Variants in PHF21B observed in about 807,000 individuals in gnomAD.
PHF21B encodes PHD finger protein 21B.
PHF21B carries 22 observed loss-of-function variants against 62.2 expected under a neutral mutation model. The ratio of observed to expected loss-of-function variants is 0.35; its 90% CI spans 0.25 to 0.51. The LOEUF is 0.51. Among genes scored for constraint, PHF21B ranks in the 20% least tolerant of loss-of-function variants. PHF21B has a pLI of 0.97. For synonymous variants in PHF21B, 341 were observed against 314.7 expected (o/e 1.08, Z -0.88); for missense variants, 701 against 707.9 (o/e 0.99, Z 0.11).
intron 2 of PHF21B, among the ~76,000 whole-genome samples, chr22:44,995,388 C>A (rs1229709886): frequency 1.3e-5 from 2 of 152,170 alleles, no homozygotes; most frequent in Non-Finnish European, 2.9e-5. Context: ...TCCAACGAGG[C>A]AGTGGCTGGG....
At position 44,891,324 on chromosome 22, in the gene PHF21B, G is replaced by A; in HGVS notation, c.997C>T (p.Leu333=). The A allele has an allele frequency of 1.2e-6, 2 of 1,614,048 alleles. No individual in the cohort carries two copies. The highest frequency in any genetic ancestry group is 1.7e-6 in the Non-Finnish European group (2 of 1,180,022). ...RLASNYLNNP[L]FLTARANEDP... ...TGCTTACCTCTCGCTGTGAGGAACAGGGGGTTGTTGAGATAGTTGGAGGCC... is the reference window on the plus strand; with the variant it reads ...TGCTTACCTCTCGCTGTGAGGAACAAGGGGTTGTTGAGATAGTTGGAGGCC... Residue 333 remains leucine, a synonymous_variant, in exon 8 of 13, where the codon CTG becomes TTG. Transcript: ENST00000313237.
In PHF21B at chr22:44,888,004, C is replaced by T; in HGVS notation, c.1156G>A (p.Ala386Thr). Residue 386 changes from alanine to threonine, a missense_variant, in exon 10 of 13, where the codon GCG (alanine) becomes ACG (threonine). Transcript: ENST00000313237. ...LSCLEPPLKTAPKGVWVCPRC... is the reference protein window; with the variant it reads ...LSCLEPPLKTTPKGVWVCPRC... ...GGGCACACCCACACGCCCTTGGGCG[C>T]CGTCTTGAGGGGCGGCTCCAGGCAG... The T allele has an allele frequency of 1.9e-6, 3 of 1,571,330 alleles. No individual in the cohort carries two copies. The highest frequency in any genetic ancestry group is 2.6e-6 in the Non-Finnish European group (3 of 1,159,404).
chr22:44,977,752 A>ATT (rs112069200), intron 2 of PHF21B, among the ~76,000 whole-genome samples: 1,447 of 135,150 alleles, frequency 0.011, 20 homozygotes, highest in Middle Eastern at 0.019. Flanking sequence ...CTCATTTTTC[A>ATT]TTTTTTTTTT....
At chr22:44,891,406 T>G (rs755838926) in intron 7 of PHF21B, 46 bp from the exon 8 acceptor site, 1 of 1,600,360 alleles carries the variant, frequency 6.2e-7, no homozygotes, top group Non-Finnish European at 8.5e-7. Context: ...ATCTGGAGGC[T>G]CTCTTCGATG....
At chr22:44,969,385 G>A (rs2072593520) in intron 2 of PHF21B, among the ~76,000 whole-genome samples, 1 of 152,212 alleles carries the variant, frequency 6.6e-6, no homozygotes, top group Admixed American at 6.5e-5. Flanking sequence ...AATGGAGCCG[G>A]CCGGGCACGG....
intron 5 of PHF21B, among the ~76,000 whole-genome samples, chr22:44,896,896 T>TTTTTTTTTTTTTTA (rs2071070593): frequency 1.4e-5 from 2 of 147,188 alleles, no homozygotes; most frequent in Admixed American, 6.7e-5. Context: ...TTTTTTTTTT[T>TTTTTTTTTTTTTTA]GAGACAGGTT....
chr22:44,932,092 G>A (rs957641863), intron 2 of PHF21B, among the ~76,000 whole-genome samples: 3 of 152,218 alleles, frequency 2.0e-5, no homozygotes, highest in African/African-American at 4.8e-5. Flanking sequence ...CAGAGGACCC[G>A]GGGCAGAGGC....
intron 5 of PHF21B, among the ~76,000 whole-genome samples, chr22:44,908,710 C>A (rs1190892830): frequency 6.6e-6 from 1 of 152,190 alleles, no homozygotes; most frequent in Non-Finnish European, 1.5e-5. Context: ...TACTGCTGTC[C>A]GGTTTCTAGG....
intron 2 of PHF21B, among the ~76,000 whole-genome samples, chr22:44,934,388 C>A (rs1406063569): frequency 6.6e-6 from 1 of 152,220 alleles, no homozygotes; most frequent in Non-Finnish European, 1.5e-5. Context: ...GAATGAGACT[C>A]CTTACAGACG....
At chr22:44,979,455 T>C (rs1166525067) in intron 2 of PHF21B, among the ~76,000 whole-genome samples, 1 of 152,152 alleles carries the variant, frequency 6.6e-6, no homozygotes, top group African/African-American at 2.4e-5. Flanking sequence ...CTCCCAGCCA[T>C]AGGAAGGCAG....
In PHF21B at chr22:44,918,852, G is replaced by A. The variant is rs59167802; in HGVS notation, c.213+1546C>T. ...GGCCTTGATTGGCAGCCTCTCCCTGGAGCCTGCCTTGCTCTGAAGCCTCGC... is the reference window on the plus strand; with the variant it reads ...GGCCTTGATTGGCAGCCTCTCCCTGAAGCCTGCCTTGCTCTGAAGCCTCGC... On this transcript the variant is annotated intron_variant, in intron 3 of 12. Transcript: ENST00000313237. 4.4e-3 allele frequency among the ~76,000 whole-genome samples: 672 copies of A among 152,294 alleles called. 3 individuals are homozygous for A. Among genetic ancestry groups the A allele is most frequent in the African/African-American group, 0.016 (655 of 41,552 alleles).
At chr22:44,984,092 TC>T in intron 2 of PHF21B, among the ~76,000 whole-genome samples, 1 of 143,062 alleles carries the variant, frequency 7.0e-6, no homozygotes, top group Middle Eastern at 3.8e-3. Flanking sequence ...ATCACCATCA[TC>T]ATCACCATCA....
intron 2 of PHF21B, among the ~76,000 whole-genome samples, chr22:44,966,052 A>T (rs1246107025): frequency 6.6e-6 from 1 of 152,028 alleles, no homozygotes; most frequent in Non-Finnish European, 1.5e-5. Flanking sequence ...TTCTCCAGCC[A>T]TCCCTCCAGC....
chr22:44,906,556 G>T (rs754424351), intron 5 of PHF21B, among the ~76,000 whole-genome samples: 1 of 152,252 alleles, frequency 6.6e-6, no homozygotes, highest in South Asian at 2.1e-4. Context: ...GCTAGCTGAG[G>T]CCAGGACAAT....
chr22:44,914,005 GGGAGGGGTGAGGGGAA>G lies in PHF21B; in HGVS notation c.632_647del (p.Leu211ProfsTer68). On this transcript the variant is annotated frameshift_variant, in exon 5 of 13. Coordinates refer to ENST00000313237, the MANE Select transcript of PHF21B (RefSeq NM_138415.5). LOFTEE classifies it high-confidence loss of function. ...GGGGTGAAGGGGACAGTGATGGGGA[GGGAGGGGTGAGGGGAA>G]GAGAGGAGGGGTGGAGGGGACAGTG... The G allele has an allele frequency of 1.3e-6, 2 of 1,535,124 alleles. No homozygotes were observed. The highest frequency in any genetic ancestry group is 1.1e-5 in the South Asian group (1 of 88,916).
At chr22:44,963,945 G>A (rs749876953) in intron 2 of PHF21B, among the ~76,000 whole-genome samples, 8 of 152,244 alleles carry the variant, frequency 5.3e-5, no homozygotes, top group Non-Finnish European at 8.8e-5. Context: ...CTGGCACACA[G>A]AGGGCACTCA....
intron 2 of PHF21B, among the ~76,000 whole-genome samples, chr22:44,985,245 A>C (rs1019124220): frequency 6.6e-6 from 1 of 152,244 alleles, no homozygotes; most frequent in Non-Finnish European, 1.5e-5. Flanking sequence ...TTTATTCATT[A>C]AAATTTTACT....
At position 44,894,014 on chromosome 22, in the gene PHF21B, G is replaced by A. The variant is rs567810126; in HGVS notation, c.884-481C>T. ...ATCCTTCGCATGCGAGCGAGAGGGG[G>A]CATGGCCACACTGACGGTGTTTTCT... On this transcript the variant is annotated intron_variant, in intron 6 of 12. Transcript: ENST00000313237. Among the ~76,000 whole-genome samples, 155 of 152,352 alleles carry A rather than the reference G, an allele frequency of 1.0e-3. 2 individuals are homozygous for A. Among genetic ancestry groups the A allele is most frequent in the South Asian group, 1.0e-3 (5 of 4,832 alleles).
intron 2 of PHF21B, among the ~76,000 whole-genome samples, chr22:44,984,171 C>T: frequency 6.7e-6 from 1 of 149,862 alleles, no homozygotes; most frequent in Non-Finnish European, 1.5e-5. Context: ...CCACCATCAT[C>T]ACCATCACAA....
Sources: allele counts gnomAD v4.1 joint callset (sites outside exome capture counted in the v4.1 genomes callset), GRCh38; gene constraint gnomAD v4.1.1; transcripts MANE v1.5; gene names NCBI Gene and HGNC (gene_info 2026-07-23, HGNC 2026-07-21).